Variants in RUBCN observed in about 807,000 individuals in gnomAD.
RUBCN encodes run domain Beclin-1-interacting and cysteine-rich domain-containing protein.
RUBCN carries 74 observed loss-of-function variants against 113.2 expected under a neutral mutation model. That is an observed-to-expected ratio of 0.65 (90% CI 0.54 to 0.79). The LOEUF (loss-of-function observed/expected upper bound fraction) is 0.79. RUBCN is among the 30% of genes least tolerant of loss of function. RUBCN has a pLI of 0.00. For missense variants in RUBCN, 1,109 were observed against 1,251.7 expected (o/e 0.89, Z 1.72); for synonymous variants, 480 against 490.0 (o/e 0.98, Z 0.27).
At chr3:197,690,895 T>A (rs1433926908) in intron 11 of RUBCN, among the ~76,000 whole-genome samples, 1 of 152,172 alleles carries the variant, frequency 6.6e-6, no homozygotes, top group Non-Finnish European at 1.5e-5. Flanking sequence ...AATCAGTGAG[T>A]ATCTGAATTG....
chr3:197,719,840 T>A (rs1030863118), intron 1 of RUBCN, among the ~76,000 whole-genome samples: 3 of 152,230 alleles, frequency 2.0e-5, no homozygotes, highest in Admixed American at 1.3e-4. Flanking sequence ...ATTGTACATA[T>A]TGATAGTATA....
intron 1 of RUBCN, among the ~76,000 whole-genome samples, chr3:197,723,318 T>TA (rs1357748467): frequency 6.6e-6 from 1 of 152,010 alleles, no homozygotes; most frequent in Non-Finnish European, 1.5e-5. Context: ...TAGTTGGAAT[T>TA]AGAGTTACAG....
intron 16 of RUBCN, among the ~76,000 whole-genome samples, chr3:197,677,914 TCTGA>T (rs1294095768): frequency 4.8e-5 from 7 of 146,774 alleles, no homozygotes; most frequent in South Asian, 2.3e-4. Context: ...TGTCCCACAC[TCTGA>T]CTGACAACTG....
At chr3:197,701,953 T>C (rs1723728898) in intron 5 of RUBCN, 89 bp from the exon 6 acceptor site, 17 of 1,243,890 alleles carry the variant, frequency 1.4e-5, no homozygotes, top group East Asian at 4.9e-5. Context: ...AGAAATGCCA[T>C]AGAAGCTACC....
chr3:197,675,215 T>C lies in RUBCN; in HGVS notation c.2741-19A>G. ...TTACACTCTACTCAGGTTGGGAAGG[T>C]GGGGGAGAGAAGAAAACAATTTGTA... On this transcript the variant is annotated intron_variant, in intron 19 of 19. Transcript: ENST00000296343. The surrounding 1 kb of genome is among the most constrained non-coding windows in gnomAD (Gnocchi z 4.4). 1 of 1,613,814 alleles carries C rather than the reference T, an allele frequency of 6.2e-7. No homozygotes were observed.
At chr3:197,731,633 C>T (rs111753397) in intron 1 of RUBCN, among the ~76,000 whole-genome samples, 2 of 150,902 alleles carry the variant, frequency 1.3e-5, no homozygotes, top group African/African-American at 2.4e-5. Flanking sequence ...CTGACCCCCC[C>T]ACCTCCCTCC....
intron 2 of RUBCN, among the ~76,000 whole-genome samples, chr3:197,711,003 G>A (rs1333326201): frequency 6.6e-6 from 1 of 151,980 alleles, no homozygotes; most frequent in Admixed American, 6.6e-5. Context: ...TTTTTGTATT[G>A]TTAGTAGAGA....
At chr3:197,721,599 T>G (rs1726175270) in intron 1 of RUBCN, among the ~76,000 whole-genome samples, 1 of 152,132 alleles carries the variant, frequency 6.6e-6, no homozygotes, top group African/African-American at 2.4e-5. Context: ...TTCATTTATT[T>G]CTGCTCTGAT....
intron 16 of RUBCN, among the ~76,000 whole-genome samples, chr3:197,679,218 G>A (rs1177757593): frequency 6.8e-6 from 1 of 146,874 alleles, no homozygotes; most frequent in African/African-American, 2.6e-5. Context: ...ACTGTCCTAC[G>A]CTCTAACTCG....
intron 1 of RUBCN, among the ~76,000 whole-genome samples, chr3:197,743,076 C>T (rs1475151722): frequency 6.6e-6 from 1 of 152,228 alleles, no homozygotes; most frequent in Non-Finnish European, 1.5e-5. Context: ...TCCCTAGTCA[C>T]ACAGAACTGA....
chr3:197,729,187 T>C (rs536641293), intron 1 of RUBCN, among the ~76,000 whole-genome samples: 1 of 152,198 alleles, frequency 6.6e-6, no homozygotes, highest in South Asian at 2.1e-4. Context: ...TGAGGAGTTT[T>C]GACATGGAAA....
chr3:197,735,465 G>A (rs1032683424), intron 1 of RUBCN, among the ~76,000 whole-genome samples: 3 of 152,160 alleles, frequency 2.0e-5, no homozygotes, highest in African/African-American at 4.8e-5. Flanking sequence ...TCCTGCTCTC[G>A]CCTGTCAGCA....
Position 197,674,974 on chromosome 3 carries a change from A to C in RUBCN, c.*44T>G, listed in dbSNP as rs756988029. ...CCTTCAAAGAGTGGCTCAGTTCTGCAACAGGTGTGACCCGGCCCGGAGGGA... is the reference window on the plus strand; with the variant it reads ...CCTTCAAAGAGTGGCTCAGTTCTGCCACAGGTGTGACCCGGCCCGGAGGGA... On this transcript the variant is annotated 3_prime_UTR_variant, in exon 20 of 20. Coordinates refer to ENST00000296343, the MANE Select transcript of RUBCN (RefSeq NM_014687.4). 5.9e-5 allele frequency: 95 copies of C among 1,599,370 alleles called. No homozygotes were observed. Among genetic ancestry groups the C allele is most frequent in the Non-Finnish European group, 7.4e-5 (87 of 1,176,412 alleles).
rs1301433303 is a variant in RUBCN at position 197,718,133 on chromosome 3, G to C, written c.66-3C>G. On this transcript the variant is annotated splice_region_variant and splice_polypyrimidine_tract_variant and intron_variant, in intron 1 of 19. Coordinates refer to ENST00000296343, the MANE Select transcript of RUBCN (RefSeq NM_014687.4). The stretch of plus-strand genomic sequence containing the variant: ...CCAGCAACTGCCAGTGCTCCCTCCT[G>C]CAAGGGCATCAGTTACACCAATCGT... The C allele has an allele frequency of 1.2e-6, 2 of 1,614,048 alleles. No individual in the cohort carries two copies. The highest frequency in any genetic ancestry group is 1.7e-6 in the Non-Finnish European group (2 of 1,180,030).
At chr3:197,693,381 A>G (rs578034491) in intron 11 of RUBCN, among the ~76,000 whole-genome samples, 1 of 152,334 alleles carries the variant, frequency 6.6e-6, no homozygotes, top group East Asian at 1.9e-4. Context: ...ATGGAACCCA[A>G]GAGAATAGGA....
At position 197,673,249 on chromosome 3, in the gene RUBCN, G is replaced by A. The variant is rs1195732330; in HGVS notation, c.*1769C>T. 6.6e-6 allele frequency: 1 copy of A among 152,358 alleles called. No homozygotes were observed. Among genetic ancestry groups the A allele is most frequent in the East Asian group, 1.9e-4 (1 of 5,200 alleles). 9.4% of individuals were successfully genotyped at this position (152,358 alleles called of 1,614,324 possible). On this transcript the variant is annotated 3_prime_UTR_variant, in exon 20 of 20. Transcript: ENST00000296343. Reference sequence around the variant, plus strand: ...GCTTTCAGATCCCAACTTTGAGGCAGAGGAATCAAGGGCAGGGGCCAGTTC... The same window carrying A: ...GCTTTCAGATCCCAACTTTGAGGCAAAGGAATCAAGGGCAGGGGCCAGTTC...
rs143384695 is a variant in RUBCN, at chr3:197,681,598, C to T, written c.2192-231G>A. ...ACCAGCTGGAGATAGTAAGATCCCG[C>T]CTTACCAGCTAGCTGGAACTACCCA... On this transcript the variant is annotated intron_variant, in intron 15 of 19. Coordinates refer to ENST00000296343, the MANE Select transcript of RUBCN (RefSeq NM_014687.4). The surrounding 1 kb of genome is among the most constrained non-coding windows in gnomAD (Gnocchi z 5.5). Among the ~76,000 whole-genome samples the T allele has an allele frequency of 5.1e-3, 781 of 152,282 alleles. 6 individuals are homozygous for T. The highest frequency in any genetic ancestry group is 0.017 in the South Asian group (82 of 4,816).
chr3:197,708,554 C>CAAAAAAAAAAAAAAAAAAAAAAGAAAAAA, intron 2 of RUBCN, among the ~76,000 whole-genome samples: 1 of 74,568 alleles, frequency 1.3e-5, no homozygotes, highest in Non-Finnish European at 3.0e-5. Context: ...GTGGTAGACT[C>CAAAAAAAAAAAAAAAAAAAAAAGAAAAAA]AAAAAAAAAA....
At chr3:197,730,585 T>TG (rs1727301857) in intron 1 of RUBCN, among the ~76,000 whole-genome samples, 106 of 151,774 alleles carry the variant, frequency 7.0e-4, no homozygotes, top group African/African-American at 2.4e-3. Flanking sequence ...TTTTTTTTTT[T>TG]TGAGAGAGAA....
Sources: allele counts gnomAD v4.1 joint callset (sites outside exome capture counted in the v4.1 genomes callset), GRCh38; gene constraint gnomAD v4.1.1; non-coding constraint Gnocchi (gnomAD v3.1); transcripts MANE v1.5; gene names NCBI Gene and HGNC (gene_info 2026-07-23, HGNC 2026-07-21).